The following PIP5K1B variants were observed in gnomAD, a reference collection of about 807,000 sequenced individuals.
PIP5K1B encodes the protein phosphatidylinositol 4-phosphate 5-kinase type-1 beta.
Under a neutral mutation model 67.0 loss-of-function variants are expected in PIP5K1B, and 42 were observed. The observed-to-expected ratio is 0.63, with a 90% CI of 0.49 to 0.81. The LOEUF (loss-of-function observed/expected upper bound fraction) is 0.81, where lower values mean the gene tolerates loss of function less well. PIP5K1B is among the 30% of genes least tolerant of loss of function. PIP5K1B has a pLI of 0.00. For synonymous variants in PIP5K1B, 214 were observed against 231.4 expected (o/e 0.92, Z 0.68); for missense variants, 459 against 646.3 (o/e 0.71, Z 3.14).
chr9:68,888,913 A>G, intron 6 of PIP5K1B, 68 bp from the exon 7 acceptor site: 1 of 1,102,300 alleles, frequency 9.1e-7, no homozygotes, highest in South Asian at 1.4e-5. Context: ...CAATGCTATG[A>G]TTGTCCTCCT....
chr9:68,728,391 T>C (rs2132281426), intron 1 of PIP5K1B, among the ~76,000 whole-genome samples: 1 of 152,196 alleles, frequency 6.6e-6, no homozygotes, highest in Admixed American at 6.5e-5. Context: ...ATGAGGGCAC[T>C]AATCCCATTC....
At chr9:68,711,000 T>G (rs1827365017) in intron 1 of PIP5K1B, among the ~76,000 whole-genome samples, 1 of 152,186 alleles carries the variant, frequency 6.6e-6, no homozygotes, top group South Asian at 2.1e-4. Flanking sequence ...GGATTGGAAT[T>G]GTAAGTACTA....
At chr9:68,942,510 G>T (rs1305267753) in intron 14 of PIP5K1B, among the ~76,000 whole-genome samples, 1 of 152,036 alleles carries the variant, frequency 6.6e-6, no homozygotes, top group African/African-American at 2.4e-5. Flanking sequence ...TCTTGACCAG[G>T]GGTGTTAGAC....
At chr9:68,948,468 A>G (rs1006464656) in intron 14 of PIP5K1B, among the ~76,000 whole-genome samples, 3 of 152,080 alleles carry the variant, frequency 2.0e-5, no homozygotes, top group East Asian at 1.9e-4. Flanking sequence ...TCATTTCTAC[A>G]ACAACAACAG....
At chr9:68,718,927 A>G (rs1448601482) in intron 1 of PIP5K1B, among the ~76,000 whole-genome samples, 1 of 152,180 alleles carries the variant, frequency 6.6e-6, no homozygotes, top group Admixed American at 6.5e-5. Flanking sequence ...TTTGGGAACC[A>G]GATAACCATA....
intron 2 of PIP5K1B, among the ~76,000 whole-genome samples, chr9:68,767,982 T>C (rs542691274): frequency 9.2e-5 from 14 of 151,744 alleles, no homozygotes; most frequent in African/African-American, 3.4e-4. Flanking sequence ...AAGAAAAAAA[T>C]TAAAACTTAG....
chr9:68,815,817 A>C (rs2132044389), intron 2 of PIP5K1B, among the ~76,000 whole-genome samples: 1 of 152,214 alleles, frequency 6.6e-6, no homozygotes, highest in Non-Finnish European at 1.5e-5. Context: ...TAGAAACATA[A>C]GGATTTTTAA....
rs1823243706 is a variant in PIP5K1B at position 68,864,071 on chromosome 9, A to G, written c.200+104A>G. ...ACTATGTACATGTTTATATGTACAGATGTGAATATTGGGCCTTTGGCAGGG... is the reference window on the plus strand; with the variant it reads ...ACTATGTACATGTTTATATGTACAGGTGTGAATATTGGGCCTTTGGCAGGG... On this transcript the variant is annotated intron_variant, in intron 5 of 15. Transcript: ENST00000265382. 3.9e-6 allele frequency: 4 copies of G among 1,017,612 alleles called. No homozygotes were observed. In the East Asian group the frequency reaches 9.8e-5, roughly 25 times the overall value. The allele number at this position is 1,017,612 out of a possible 1,614,324, so 63.0% of individuals were successfully genotyped here. A position where few individuals can be genotyped will look rare whatever the true frequency, so the allele number is the denominator to read the frequency against.
intron 14 of PIP5K1B, among the ~76,000 whole-genome samples, chr9:68,970,313 G>A (rs1205057778): frequency 1.3e-5 from 2 of 152,208 alleles, no homozygotes; most frequent in African/African-American, 2.4e-5. Flanking sequence ...TTAATTACAT[G>A]TTGTCAAGAC....
chr9:68,892,011 C>A (rs1308582978), intron 7 of PIP5K1B, among the ~76,000 whole-genome samples: 3 of 152,012 alleles, frequency 2.0e-5, no homozygotes, highest in Non-Finnish European at 4.4e-5. Context: ...AAGAAAAATT[C>A]TAAAATACTT....
At chr9:68,972,543 A>T (rs1829429968) in intron 14 of PIP5K1B, among the ~76,000 whole-genome samples, 1 of 152,208 alleles carries the variant, frequency 6.6e-6, no homozygotes. Flanking sequence ...TGGGAGCGTA[A>T]GGCAGGAGAA....
Position 69,000,218 on chromosome 9 carries a change from A to G in PIP5K1B, c.1621-8229A>G, listed in dbSNP as rs148694883. Among the ~76,000 whole-genome samples the G allele has an allele frequency of 2.0e-5, 3 of 152,282 alleles. No homozygotes were observed. The East Asian group carries it at 5.8e-4, about 29-fold the overall frequency. ...GTTTAGGCAGCAATTTTAACAAAGT[A>G]TCAACAAATCTGGGGTGGAGAAAGC... On this transcript the variant is annotated intron_variant, in intron 15 of 15. Transcript: ENST00000265382.
chr9:68,973,361 C>T lies in PIP5K1B; in HGVS notation c.1503-17779C>T, dbSNP rs574579924. On this transcript the variant is annotated intron_variant, in intron 14 of 15. Transcript: ENST00000265382. Reference sequence around the variant, plus strand: ...TTTTGAGAGCATTTTTAGTAATAGCCATTAAGAAATTTTATGTAAATAGGA... The same window carrying T: ...TTTTGAGAGCATTTTTAGTAATAGCTATTAAGAAATTTTATGTAAATAGGA... Among the ~76,000 whole-genome samples, 7 of 152,148 alleles carry T rather than the reference C, an allele frequency of 4.6e-5. No individual in the cohort carries two copies. In the South Asian group the frequency reaches 1.5e-3, roughly 32 times the overall value.
In PIP5K1B at chr9:68,744,187, C is replaced by G. The variant is rs78649807; in HGVS notation, c.-86+1530C>G. On this transcript the variant is annotated intron_variant, in intron 2 of 15. Transcript: ENST00000265382. Reference sequence around the variant, plus strand: ...CAATGTTACAAGGTGGACCCACAAACCACAGTGATCTTCATCCTCAAGCTG... The same window carrying G: ...CAATGTTACAAGGTGGACCCACAAAGCACAGTGATCTTCATCCTCAAGCTG... Among the ~76,000 whole-genome samples the G allele has an allele frequency of 7.2e-3, 1,098 of 152,326 alleles. 5 individuals are homozygous for G. Among genetic ancestry groups the G allele is most frequent in the African/African-American group, 0.024 (988 of 41,574 alleles).
At chr9:68,709,579 G>GC (rs1488119361) in intron 1 of PIP5K1B, among the ~76,000 whole-genome samples, 2 of 152,104 alleles carry the variant, frequency 1.3e-5, no homozygotes, top group Admixed American at 6.5e-5. Flanking sequence ...TGGCTTATGT[G>GC]CATCACCAGA....
chr9:68,889,333 T>G (rs1222838355), intron 7 of PIP5K1B, among the ~76,000 whole-genome samples, 200 bp downstream of exon 7: 1 of 152,216 alleles, frequency 6.6e-6, no homozygotes, highest in Non-Finnish European at 1.5e-5. Context: ...GCATACTTGT[T>G]GAATCCCACA....
intron 4 of PIP5K1B, among the ~76,000 whole-genome samples, chr9:68,863,004 C>T (rs1321210973): frequency 6.6e-6 from 1 of 151,926 alleles, no homozygotes; most frequent in Non-Finnish European, 1.5e-5. Flanking sequence ...AATATTAAAT[C>T]AGAAAGAAAG....
intron 5 of PIP5K1B, among the ~76,000 whole-genome samples, chr9:68,867,484 T>G (rs904896990): frequency 6.6e-6 from 1 of 152,252 alleles, no homozygotes; most frequent in Admixed American, 6.5e-5. Flanking sequence ...GGAGGTGCTA[T>G]TGGCTTTGTT....
intron 15 of PIP5K1B, among the ~76,000 whole-genome samples, chr9:69,000,283 G>A (rs1000541453): frequency 2.6e-5 from 4 of 152,170 alleles, no homozygotes; most frequent in African/African-American, 9.7e-5. Context: ...CTCGCCTACA[G>A]CCATGGAACT....
Sources: allele counts gnomAD v4.1 joint callset (sites outside exome capture counted in the v4.1 genomes callset), GRCh38; gene constraint gnomAD v4.1.1; transcripts MANE v1.5; gene names NCBI Gene and HGNC (gene_info 2026-07-23, HGNC 2026-07-21).